The following FAR2 variants were observed in gnomAD, a reference collection of about 807,000 sequenced individuals.
The protein encoded by FAR2 is fatty acyl-CoA reductase 2.
In FAR2, 19 loss-of-function variants were observed where a neutral mutation model predicts 56.0. The ratio of observed to expected loss-of-function variants is 0.34; its 90% CI spans 0.24 to 0.50. The LOEUF is 0.50. Ranked by LOEUF, FAR2 falls within the 20% of genes least tolerant of loss-of-function variation. FAR2 has a pLI of 0.98. For missense variants in FAR2, 508 were observed against 642.2 expected, an observed-to-expected ratio of 0.79 and a Z score of 2.26; for synonymous variants, 219 against 218.8, an observed-to-expected ratio of 1.00 and a Z score of -0.01.
rs377442370 is a variant in FAR2 at position 29,280,523 on chromosome 12, T to C, written c.189+9885T>C. ...CTAGGTTTCACCAGTCTGTGCCATA[T>C]GTGTTCACATTAACTCTCCATTCTG... On this transcript the variant is annotated intron_variant, in intron 2 of 11. Coordinates refer to ENST00000536681, the MANE Select transcript of FAR2 (RefSeq NM_001271783.2). The C allele has an allele frequency of 9.8e-5, 15 of 152,354 alleles. No individual in the cohort carries two copies. In the East Asian group the frequency reaches 1.9e-3, roughly 20 times the overall value. The allele number at this position is 152,354 out of a possible 1,614,324, so 9.4% of individuals were successfully genotyped here.
chr12:29,158,349 T>C (rs1949750408), intron 1 of FAR2, among the ~76,000 whole-genome samples: 2 of 151,910 alleles, frequency 1.3e-5, no homozygotes, highest in Non-Finnish European at 2.9e-5. Flanking sequence ...TACCAAAGAG[T>C]TTTCTGGGGA....
At chr12:29,274,138 AC>A (rs1186328731) in intron 2 of FAR2, among the ~76,000 whole-genome samples, 3 of 150,856 alleles carry the variant, frequency 2.0e-5, no homozygotes, top group African/African-American at 7.3e-5. Flanking sequence ...GGTGTGCTGC[AC>A]CCATTAACTC....
In FAR2 at chr12:29,335,350, T is replaced by C. The variant is rs1315564713; in HGVS notation, c.*1556T>C. On this transcript the variant is annotated 3_prime_UTR_variant, in exon 12 of 12. Coordinates refer to ENST00000536681, the MANE Select transcript of FAR2 (RefSeq NM_001271783.2). ...TCTAAATTCTGGGAAATATTTTCCA[T>C]AGCAGACAACCCAGCTCTGAAACTA... 1 of 152,204 alleles carries C rather than the reference T, an allele frequency of 6.6e-6. No homozygotes were observed. Among genetic ancestry groups the C allele is most frequent in the Non-Finnish European group, 1.5e-5 (1 of 68,042 alleles). The allele number at this position is 152,204 out of a possible 1,614,324, so 9.4% of individuals were successfully genotyped here. A position where few individuals can be genotyped will look rare whatever the true frequency, so the allele number is the denominator to read the frequency against.
intron 1 of FAR2, among the ~76,000 whole-genome samples, chr12:29,247,752 T>G (rs1948150975): frequency 6.6e-6 from 1 of 152,204 alleles, no homozygotes; most frequent in Non-Finnish European, 1.5e-5. Context: ...TAAACCTGTA[T>G]AAGTCTCTTA....
At chr12:29,191,835 T>A (rs1329857478) in intron 1 of FAR2, among the ~76,000 whole-genome samples, 2 of 152,200 alleles carry the variant, frequency 1.3e-5, no homozygotes, top group Admixed American at 6.5e-5. Flanking sequence ...AGAAGGAGAA[T>A]GAAGAAAGCT....
chr12:29,155,431 A>G (rs1259271064), intron 1 of FAR2, among the ~76,000 whole-genome samples: 1 of 152,256 alleles, frequency 6.6e-6, no homozygotes, highest in Non-Finnish European at 1.5e-5. Context: ...GCAGCAGAGC[A>G]TAATGGAAGA....
chr12:29,281,013 A>G (rs1196669581), intron 2 of FAR2: 2 of 152,270 alleles, frequency 1.3e-5, no homozygotes, highest in African/African-American at 4.8e-5. Context: ...TTTCCCACAC[A>G]TAGAAGACAC....
intron 1 of FAR2, among the ~76,000 whole-genome samples, chr12:29,225,876 A>C (rs1947761048): frequency 6.6e-6 from 1 of 152,188 alleles, no homozygotes; most frequent in Non-Finnish European, 1.5e-5. Flanking sequence ...CACACATGTG[A>C]AGGTGAAAGT....
At chr12:29,269,647 A>G (rs1215465643) in intron 1 of FAR2, among the ~76,000 whole-genome samples, 2 of 152,234 alleles carry the variant, frequency 1.3e-5, no homozygotes, top group Non-Finnish European at 2.9e-5. Context: ...GGCATAATAA[A>G]TTATAAAAGT....
At chr12:29,325,096 A>G (rs12231109) in intron 10 of FAR2, among the ~76,000 whole-genome samples, 47,642 of 151,678 alleles carry the variant, frequency 0.31, 7,511 homozygotes, top group East Asian at 0.35. Flanking sequence ...CAGGGGTTGC[A>G]ATCCTAGTCT....
chr12:29,301,116 C>T (rs1203514066), intron 4 of FAR2, among the ~76,000 whole-genome samples: 2 of 152,162 alleles, frequency 1.3e-5, no homozygotes, highest in Non-Finnish European at 2.9e-5. Flanking sequence ...TTTAGCATTA[C>T]CTTGGCCCTG....
chr12:29,278,569 A>G (rs1948736465), intron 2 of FAR2, among the ~76,000 whole-genome samples: 1 of 151,730 alleles, frequency 6.6e-6, no homozygotes, highest in African/African-American at 2.4e-5. Context: ...GCTGATCTCA[A>G]ACTCCTGGTT....
At position 29,307,723 on chromosome 12, in the gene FAR2, A is replaced by G. The variant is rs1449905829; in HGVS notation, c.611A>G (p.Tyr204Cys). Residue 204 changes from tyrosine to cysteine, a missense_variant, in exon 5 of 12, where the codon TAT becomes TGT. Tyr to Cys is a radical substitution (Grantham distance 194). Coordinates refer to ENST00000536681, the MANE Select transcript of FAR2 (RefSeq NM_001271783.2). ...CTGATCAGAGATTGGCCCAATATTT[A>G]TACCTACACCAAGGCCTTGGGAGAA... Reference protein sequence around the residue: ...PKLIRDWPNIYTYTKALGEMV... With the variant: ...PKLIRDWPNICTYTKALGEMV... The G allele has an allele frequency of 6.2e-7, 1 of 1,613,962 alleles. No homozygotes were observed. Among genetic ancestry groups the G allele is most frequent in the Non-Finnish European group, 8.5e-7 (1 of 1,179,906 alleles).
chr12:29,193,230 A>AC (rs1312671003), intron 1 of FAR2, among the ~76,000 whole-genome samples: 4 of 152,152 alleles, frequency 2.6e-5, no homozygotes, highest in African/African-American at 9.7e-5. Context: ...ATACTGGTGA[A>AC]CCTGTATGGA....
In FAR2 at chr12:29,332,611, T is replaced by G. The variant is rs1565529528; in HGVS notation, c.1269T>G (p.Phe423Leu). The G allele has an allele frequency of 6.2e-7, 1 of 1,613,716 alleles. No homozygotes were observed. Among genetic ancestry groups the G allele is most frequent in the Non-Finnish European group, 8.5e-7 (1 of 1,179,704 alleles). ...LSPEDQRVFN[F>L]DVRQLNWLEY... The stretch of plus-strand genomic sequence containing the variant: ...CTCTTGCCTCTCAGGTATTCAACTT[T>G]GACGTGCGCCAGTTGAACTGGTTGG... Residue 423 changes from phenylalanine to leucine, a missense_variant, in exon 11 of 12, where the codon TTT becomes TTG. Phe to Leu is a conservative substitution (Grantham distance 22). Transcript: ENST00000536681.
Position 29,292,526 on chromosome 12 carries a change from C to T in FAR2, c.190-774C>T, listed in dbSNP as rs372276608. ...ACTCTAGAAGAAAACATTTAGCATG[C>T]TTATGATTGATTAATATTAGAAAAA... On this transcript the variant is annotated intron_variant, in intron 2 of 11. Coordinates refer to ENST00000536681, the MANE Select transcript of FAR2 (RefSeq NM_001271783.2). Among the ~76,000 whole-genome samples, 7 of 152,084 alleles carry T rather than the reference C, an allele frequency of 4.6e-5. No homozygotes were observed. The East Asian group carries it at 1.3e-3, about 29-fold the overall frequency.
chr12:29,308,079 A>T (rs150785809), intron 5 of FAR2: 1 of 358,970 alleles, frequency 2.8e-6, no homozygotes, highest in Non-Finnish European at 5.0e-6. Context: ...TTAGCTTCTA[A>T]CTACTCTAGT....
chr12:29,298,869 A>T (rs1949113456), intron 4 of FAR2, among the ~76,000 whole-genome samples: 1 of 152,172 alleles, frequency 6.6e-6, no homozygotes, highest in Admixed American at 6.5e-5. Context: ...AACACCTGAC[A>T]GGTCATAGTG....
At chr12:29,186,802 ATTTT>A (rs1950047904) in intron 1 of FAR2, among the ~76,000 whole-genome samples, 1 of 140,734 alleles carries the variant, frequency 7.1e-6, no homozygotes, top group African/African-American at 2.7e-5. Context: ...TTATTTATTT[ATTTT>A]GAGACGGAGT....
Sources: allele counts gnomAD v4.1 joint callset (sites outside exome capture counted in the v4.1 genomes callset), GRCh38; gene constraint gnomAD v4.1.1; transcripts MANE v1.5; gene names NCBI Gene and HGNC (gene_info 2026-07-23, HGNC 2026-07-21).